The following SUGP1 variants were observed in gnomAD, a reference collection of about 807,000 sequenced individuals.
The protein encoded by SUGP1 is SURP and G-patch domain containing 1, also known as SURP and G-patch domain-containing protein 1.
SUGP1 carries 34 observed loss-of-function variants against 76.5 expected under a neutral mutation model. The ratio of observed to expected loss-of-function variants is 0.44; its 90% CI spans 0.34 to 0.59. SUGP1 has a LOEUF of 0.59. Among genes scored for constraint, SUGP1 ranks in the 20% least tolerant of loss-of-function variants. The probability of loss-of-function intolerance (pLI) is 0.01; values close to 1 mark genes in which losing one functional copy is unlikely to be tolerated. For missense variants in SUGP1, 752 were observed against 851.7 expected (o/e 0.88, Z 1.46); for synonymous variants, 326 against 326.2 (o/e 1.00, Z 0.01).
In SUGP1 at chr19:19,280,439, G is replaced by C. The variant is rs549598679; in HGVS notation, c.1244-148C>G. On this transcript the variant is annotated intron_variant, in intron 8 of 13. Transcript: ENST00000247001. ...CATTACTGTCAGTGCCACGTGGTAC[G>C]TGACGGCCTCGGGGTCCCGCTGTGT... 121 of 707,516 alleles carry C rather than the reference G, an allele frequency of 1.7e-4. 2 individuals carry two copies. The South Asian group carries it at 1.8e-3, about 11-fold the overall frequency. The allele number at this position is 707,516 out of a possible 1,614,324, so 43.8% of individuals were successfully genotyped here. A position where few individuals can be genotyped will look rare whatever the true frequency, so the allele number is the denominator to read the frequency against.
At chr19:19,299,366 C>CG (rs1022164941) in intron 7 of SUGP1, among the ~76,000 whole-genome samples, 30 of 119,890 alleles carry the variant, frequency 2.5e-4, no homozygotes, top group Middle Eastern at 3.9e-3. Context: ...ACTGACTTTT[C>CG]TTTTTTTTCT....
intron 8 of SUGP1, among the ~76,000 whole-genome samples, chr19:19,294,292 G>GC (rs2061207801): frequency 6.6e-6 from 1 of 152,150 alleles, no homozygotes; most frequent in African/African-American, 2.4e-5. Flanking sequence ...GGGAGGCCAA[G>GC]GCAGGAGGAT....
intron 3 of SUGP1, among the ~76,000 whole-genome samples, chr19:19,309,506 G>A (rs112781065): frequency 0.032 from 4,854 of 152,116 alleles, 273 homozygotes; most frequent in African/African-American, 0.11. Context: ...CTGGCCGGGC[G>A]GAGTGGCTCA....
chr19:19,284,247 A>C (rs998449585), intron 8 of SUGP1, among the ~76,000 whole-genome samples: 2 of 152,192 alleles, frequency 1.3e-5, no homozygotes, highest in Non-Finnish European at 2.9e-5. Flanking sequence ...GTCAGCCTAG[A>C]GTGTGCCATT....
intron 8 of SUGP1, 40 bp from the exon 9 acceptor site, chr19:19,280,331 T>C (rs916268937): frequency 3.8e-6 from 6 of 1,575,910 alleles, no homozygotes; most frequent in East Asian, 2.2e-5. Flanking sequence ...GCCTGACAGG[T>C]GCACCCCGAT....
intron 3 of SUGP1, among the ~76,000 whole-genome samples, chr19:19,309,501 CG>C (rs2061338971): frequency 6.6e-6 from 1 of 152,058 alleles, no homozygotes. Context: ...AATTACTGGC[CG>C]GGCGGAGTGG....
At chr19:19,308,520 C>T (rs1161467605) in intron 3 of SUGP1, among the ~76,000 whole-genome samples, 1 of 152,234 alleles carries the variant, frequency 6.6e-6, no homozygotes, top group African/African-American at 2.4e-5. Flanking sequence ...GGGTGGTACC[C>T]GATGAACACT....
At chr19:19,279,993 G>C (rs903644270) in intron 9 of SUGP1, among the ~76,000 whole-genome samples, 192 bp downstream of exon 9, 2 of 152,222 alleles carry the variant, frequency 1.3e-5, no homozygotes, top group African/African-American at 4.8e-5. Context: ...CAGGTGCAGT[G>C]GGGGGTGGCA....
At position 19,303,338 on chromosome 19, in the gene SUGP1, G is replaced by A. The variant is rs750529216; in HGVS notation, c.763+10C>T. The A allele has an allele frequency of 3.8e-5, 61 of 1,612,130 alleles. No individual in the cohort carries two copies. The highest frequency in any genetic ancestry group is 6.7e-5 in the Admixed American group (4 of 59,962). ...CTCCCCAGAATCTCCCACCCGCTCC[G>A]TCCACCTACCTTTCTGAGAGGCTGC... On this transcript the variant is annotated intron_variant, in intron 6 of 13. Coordinates refer to ENST00000247001, the MANE Select transcript of SUGP1 (RefSeq NM_172231.4).
intron 6 of SUGP1, 91 bp from the exon 7 acceptor site, chr19:19,302,479 T>C (rs959675451): frequency 6.5e-7 from 1 of 1,530,248 alleles, no homozygotes. Context: ...GTGGGGTTTG[T>C]TTTAGGAATG....
intron 8 of SUGP1, among the ~76,000 whole-genome samples, chr19:19,285,462 C>T (rs948974463): frequency 1.4e-4 from 22 of 152,132 alleles, no homozygotes; most frequent in African/African-American, 3.6e-4. Flanking sequence ...CCACTGTACC[C>T]GGCCTCAAAT....
chr19:19,306,428 C>T (rs1434736298), intron 3 of SUGP1, among the ~76,000 whole-genome samples: 1 of 152,208 alleles, frequency 6.6e-6, no homozygotes, highest in African/African-American at 2.4e-5. Context: ...ACAACCATTC[C>T]CTTGGAGGTC....
intron 7 of SUGP1, 79 bp from the exon 8 acceptor site, chr19:19,297,423 C>CCTTCTGGGCAGGAGCAGTTCTGGA: frequency 2.5e-6 from 3 of 1,198,898 alleles, no homozygotes; most frequent in Non-Finnish European, 3.5e-6. Flanking sequence ...GCAGTTCTGG[C>CCTTCTGGGCAGGAGCAGTTCTGGA]CTTGTGTGCC....
At chr19:19,306,916 G>T (rs963373149) in intron 3 of SUGP1, among the ~76,000 whole-genome samples, 5 of 152,204 alleles carry the variant, frequency 3.3e-5, no homozygotes, top group Non-Finnish European at 5.9e-5. Flanking sequence ...CAAGGCTGGT[G>T]TGTGACAGCT....
intron 9 of SUGP1, among the ~76,000 whole-genome samples, chr19:19,279,969 G>A (rs1341015532): frequency 4.6e-5 from 7 of 152,244 alleles, no homozygotes; most frequent in African/African-American, 1.7e-4. Flanking sequence ...TCCCAGGCAG[G>A]CTGAGAGGCC....
rs768382156 is a variant in SUGP1 at position 19,279,196 on chromosome 19, C to T, written c.1528+17G>A. 1 of 1,573,306 alleles carries T rather than the reference C, an allele frequency of 6.4e-7. No homozygotes were observed. Among genetic ancestry groups the T allele is most frequent in the Non-Finnish European group, 8.6e-7 (1 of 1,159,978 alleles). ...CCATGCCCAGCCCAGCCCGGCCCAC[C>T]CCGCTGCCCCACATACCCCTGGTCT... On this transcript the variant is annotated intron_variant, in intron 10 of 13. Transcript: ENST00000247001.
At chr19:19,279,412 G>C in intron 9 of SUGP1, 22 bp from the exon 10 acceptor site, 1 of 1,579,506 alleles carries the variant, frequency 6.3e-7, no homozygotes, top group Non-Finnish European at 8.6e-7. Context: ...ACTCGCCAGT[G>C]AGCCAGGGCA....
At chr19:19,287,965 T>C (rs2061153928) in intron 8 of SUGP1, among the ~76,000 whole-genome samples, 1 of 152,188 alleles carries the variant, frequency 6.6e-6, no homozygotes, top group Admixed American at 6.6e-5. Context: ...TCTTCCTCCT[T>C]AGCTGTTCAA....
chr19:19,295,485 T>G (rs1199304257), intron 8 of SUGP1, among the ~76,000 whole-genome samples: 2 of 150,884 alleles, frequency 1.3e-5, no homozygotes, highest in African/African-American at 2.4e-5. Context: ...ACGCCTGTAG[T>G]CCCAGCTACT....
Sources: allele counts gnomAD v4.1 joint callset (sites outside exome capture counted in the v4.1 genomes callset), GRCh38; gene constraint gnomAD v4.1.1; transcripts MANE v1.5; gene names NCBI Gene and HGNC (gene_info 2026-07-23, HGNC 2026-07-21).